FANCE: variants seen among roughly 807,000 people sequenced by gnomAD.
FANCE encodes the protein Fanconi anemia group E protein.
Under a neutral mutation model 57.8 loss-of-function variants are expected in FANCE, and 42 were observed. The ratio of observed to expected loss-of-function variants is 0.73; its 90% CI spans 0.57 to 0.94. FANCE has a LOEUF of 0.94. FANCE is among the 40% of genes least tolerant of loss of function. The probability of loss-of-function intolerance (pLI) is 0.00; values close to 1 mark genes in which losing one functional copy is unlikely to be tolerated. For missense variants in FANCE, 608 were observed against 661.8 expected (o/e 0.92, Z 0.89); for synonymous variants, 251 against 286.4 (o/e 0.88, Z 1.25).
rs1561786590 is a variant in FANCE at position 35,452,360 on chromosome 6, G to GA, written c.-184dup. 1 of 553,792 alleles carries GA rather than the reference G, an allele frequency of 1.8e-6. No individual in the cohort carries two copies. Among genetic ancestry groups the GA allele is most frequent in the East Asian group, 3.9e-5 (1 of 25,748 alleles). The allele number at this position is 553,792 out of a possible 1,614,324, so 34.3% of individuals were successfully genotyped here. ...CCTCCTTCCCTTTCCGACAGCGCGG[G>GA]AACGGCTGCGGCTTCGGGCGGCCGG... On this transcript the variant is annotated 5_prime_UTR_variant, in exon 1 of 10. Coordinates refer to ENST00000229769, the MANE Select transcript of FANCE (RefSeq NM_021922.3).
rs7746718 is a variant in FANCE, at chr6:35,460,850, G to C, written c.1383+232G>C. On this transcript the variant is annotated intron_variant, in intron 8 of 9. Coordinates refer to ENST00000229769, the MANE Select transcript of FANCE (RefSeq NM_021922.3). ...TCTTACCAGCTGGGGGGGCCTTGGGGGTGGGATTTTTGATGTGTGTGTGTG... is the reference window on the plus strand; with the variant it reads ...TCTTACCAGCTGGGGGGGCCTTGGGCGTGGGATTTTTGATGTGTGTGTGTG... Among the ~76,000 whole-genome samples the C allele has an allele frequency of 0.14, 21,891 of 152,150 alleles. 2,931 individuals carry two copies. Among genetic ancestry groups the C allele is most frequent in the African/African-American group, 0.36 (14,831 of 41,464 alleles).
In FANCE at chr6:35,460,564, G is replaced by A; in HGVS notation, c.1329G>A (p.Glu443=). Residue 443 remains glutamate, a synonymous_variant, in exon 8 of 10, where the codon GAG becomes GAA. Transcript: ENST00000229769. ...AQVLMLGQIL[E]LPWKEETFLV... is the part of the protein sequence containing the mutation. ...CTCTGCTTTGCAGACAGATCTTGGA[G>A]CTGCCCTGGAAGGAGGAAACTTTCT... is the stretch of plus-strand genomic sequence containing the variant. 1 of 1,614,142 alleles carries A rather than the reference G, an allele frequency of 6.2e-7. No homozygotes were observed. Among genetic ancestry groups the A allele is most frequent in the South Asian group, 1.1e-5 (1 of 91,088 alleles).
intron 5 of FANCE, 140 bp from the exon 6 acceptor site, chr6:35,459,191 G>T: frequency 9.9e-7 from 1 of 1,010,418 alleles, no homozygotes. Context: ...TCCAATGGGT[G>T]GGTCCATGTG....
At position 35,457,943 on chromosome 6, in the gene FANCE, C is replaced by T. The variant is rs372788363; in HGVS notation, c.928C>T (p.Pro310Ser). 2.5e-6 allele frequency: 4 copies of T among 1,614,158 alleles called. No individual in the cohort carries two copies. In the East Asian group the frequency reaches 6.7e-5, roughly 27 times the overall value. The change falls in exon 4 of 10, where the codon CCA (proline) becomes TCA (serine). Residue 310 changes from proline (P) to serine (S), a missense_variant. By Grantham distance (74) the Pro-to-Ser change is moderately conservative. Transcript: ENST00000229769. ...EGLEGLEDAP[P>S]VELQLLHECS... ...GTTAGAGGGATTGGAGGATGCCCCC[C>T]CAGTTGAGCTACAGCTTCTTCACGA... is the stretch of plus-strand genomic sequence containing the variant.
Position 35,458,325 on chromosome 6 carries a change from TC to T in FANCE, c.1001del (p.Pro334LeufsTer30), listed in dbSNP as rs753852202. 6.2e-7 allele frequency: 1 copy of T among 1,614,094 alleles called. No homozygotes were observed. The highest frequency in any genetic ancestry group is 1.1e-5 in the South Asian group (1 of 91,092). ...QMDLLCAQLQ[L>X]PQLSDLGLLR... ...GACTTGCTGTGTGCCCAGCTGCAGC[TC>T]CCTCAGCTCTCAGACCTCGGTCTCC... On this transcript the variant is annotated frameshift_variant, in exon 5 of 10. Transcript: ENST00000229769. LOFTEE classifies it high-confidence loss of function.
In FANCE at chr6:35,458,325, T is replaced by C. The variant is rs770592868; in HGVS notation, c.998T>C (p.Leu333Pro). 4 of 1,613,976 alleles carry C rather than the reference T, an allele frequency of 2.5e-6. No homozygotes were observed. Among genetic ancestry groups the C allele is most frequent in the Non-Finnish European group, 3.4e-6 (4 of 1,180,030 alleles). The change falls in exon 5 of 10, where the codon CTC (leucine) becomes CCC (proline). Residue 333 changes from leucine (L) to proline (P), a missense_variant. Transcript: ENST00000229769. Reference sequence around the variant, plus strand: ...GACTTGCTGTGTGCCCAGCTGCAGCTCCCTCAGCTCTCAGACCTCGGTCTC... The same window carrying C: ...GACTTGCTGTGTGCCCAGCTGCAGCCCCCTCAGCTCTCAGACCTCGGTCTC... ...QMDLLCAQLQ[L>P]PQLSDLGLLR...
At chr6:35,454,013 A>G (rs1384389839) in intron 1 of FANCE, among the ~76,000 whole-genome samples, 1 of 151,976 alleles carries the variant, frequency 6.6e-6, no homozygotes, top group Non-Finnish European at 1.5e-5. Context: ...TCTACCCCCA[A>G]ATATCCTCCC....
At chr6:35,459,043 A>G (rs1767478248) in intron 5 of FANCE, among the ~76,000 whole-genome samples, 2 of 152,120 alleles carry the variant, frequency 1.3e-5, no homozygotes, top group South Asian at 4.1e-4. Flanking sequence ...AGCCTCCCAA[A>G]GTGCTGGGAT....
At chr6:35,460,723 C>T in intron 8 of FANCE, 105 bp downstream of exon 8, 1 of 1,032,430 alleles carries the variant, frequency 9.7e-7, no homozygotes, top group Non-Finnish European at 1.5e-6. Flanking sequence ...GAGGGTCAAG[C>T]AGGACAGCTG....
chr6:35,464,658 C>T (rs373384573), intron 9 of FANCE, among the ~76,000 whole-genome samples: 7 of 150,598 alleles, frequency 4.6e-5, no homozygotes, highest in Admixed American at 6.6e-5. Context: ...CAGCCTCAGG[C>T]GTGGCTCTAA....
chr6:35,457,016 C>A (rs1180695102), intron 2 of FANCE, among the ~76,000 whole-genome samples: 1 of 152,186 alleles, frequency 6.6e-6, no homozygotes, highest in East Asian at 1.9e-4. Flanking sequence ...CTGGGTCTAC[C>A]CCCATTTGGG....
intron 5 of FANCE, among the ~76,000 whole-genome samples, chr6:35,458,843 C>T (rs1388754497): frequency 6.6e-6 from 1 of 151,976 alleles, no homozygotes; most frequent in Non-Finnish European, 1.5e-5. Flanking sequence ...TGCAGTGGTG[C>T]AATCTTGGCT....
In FANCE at chr6:35,466,399, C is replaced by G; in HGVS notation, c.*54C>G. ...GCTCCATCACCAGCTTCCTGAAGGG[C>G]ATTTCTTTCTTCACCACCTTGTCTT... On this transcript the variant is annotated 3_prime_UTR_variant, in exon 10 of 10. Coordinates refer to ENST00000229769, the MANE Select transcript of FANCE (RefSeq NM_021922.3). 3 of 1,156,144 alleles carry G rather than the reference C, an allele frequency of 2.6e-6. No homozygotes were observed. The South Asian group carries it at 3.7e-5, about 14-fold the overall frequency. 71.6% of individuals were successfully genotyped at this position (1,156,144 alleles called of 1,614,324 possible).
rs761873746 is a variant in FANCE, at chr6:35,456,249, A to G, written c.751A>G (p.Ile251Val). ...SLADGGSASP[I>V]KDQPVMAVKT... ...GGCAGATGGAGGAAGTGCATCTCCT[A>G]TTAAGGACCAGCCTGTCATGGCAGT... The change falls in exon 2 of 10, where the codon ATT becomes GTT. Residue 251 changes from isoleucine (I) to valine (V), a missense_variant. Coordinates refer to ENST00000229769, the MANE Select transcript of FANCE (RefSeq NM_021922.3). This position sits in a 1 kb window ranked among gnomAD's most constrained non-coding sequence, Gnocchi z 4.3. 4.3e-6 allele frequency: 7 copies of G among 1,614,078 alleles called. No individual in the cohort carries two copies. Among genetic ancestry groups the G allele is most frequent in the Non-Finnish European group, 5.9e-6 (7 of 1,180,022 alleles).
Position 35,459,744 on chromosome 6 carries a change from C to G in FANCE, c.1300C>G (p.Gln434Glu). ...GATGGAGTCCCTGGAGCCAGATGCA[C>G]AGGTTCTAATGCTGGGGTGAGTGTG... ...VKMESLEPDA[Q>E]VLMLGQILEL... is the part of the protein sequence containing the mutation. The change falls in exon 7 of 10, where the codon CAG (glutamine) becomes GAG (glutamate). Residue 434 changes from glutamine (Q) to glutamate (E), a missense_variant. Coordinates refer to ENST00000229769, the MANE Select transcript of FANCE (RefSeq NM_021922.3). The G allele has an allele frequency of 6.2e-7, 1 of 1,614,150 alleles. No homozygotes were observed. The highest frequency in any genetic ancestry group is 1.1e-5 in the South Asian group (1 of 91,082).
At position 35,458,336 on chromosome 6, in the gene FANCE, T is replaced by A; in HGVS notation, c.1009T>A (p.Ser337Thr). Residue 337 changes from serine to threonine, a missense_variant, in exon 5 of 10, where the codon TCA becomes ACA. By Grantham distance (58) the Ser-to-Thr change is moderately conservative. Transcript: ENST00000229769. ...LCAQLQLPQL[S>T]DLGLLRLCTW... is the part of the protein sequence containing the mutation. ...TGCCCAGCTGCAGCTCCCTCAGCTCTCAGACCTCGGTCTCCTGCGGCTCTG... is the reference window on the plus strand; with the variant it reads ...TGCCCAGCTGCAGCTCCCTCAGCTCACAGACCTCGGTCTCCTGCGGCTCTG... The A allele has an allele frequency of 6.2e-7, 1 of 1,614,126 alleles. No homozygotes were observed. The highest frequency in any genetic ancestry group is 8.5e-7 in the Non-Finnish European group (1 of 1,180,032).
rs537526096 is a variant in FANCE, at chr6:35,466,951, C to T, written c.*606C>T. On this transcript the variant is annotated 3_prime_UTR_variant, in exon 10 of 10. Transcript: ENST00000229769. ...CCGATAGGGCTCAGTAGGATCAAGC[C>T]GACCCAGAGTGGGCATGGGATGCTC... 1.3e-5 allele frequency: 3 copies of T among 223,170 alleles called. No homozygotes were observed. Among genetic ancestry groups the T allele is most frequent in the East Asian group, 1.3e-4 (2 of 15,080 alleles). 13.8% of individuals were successfully genotyped at this position (223,170 alleles called of 1,614,324 possible).
intron 9 of FANCE, among the ~76,000 whole-genome samples, chr6:35,465,270 T>G (rs962725669): frequency 1.3e-5 from 2 of 151,972 alleles, no homozygotes; most frequent in African/African-American, 4.8e-5. Context: ...GCCTCCTGGG[T>G]TCAAGTGATT....
chr6:35,464,619 C>T (rs1767733603), intron 9 of FANCE, among the ~76,000 whole-genome samples: 1 of 151,954 alleles, frequency 6.6e-6, no homozygotes, highest in Admixed American at 6.6e-5. Context: ...TCCCAAAGTG[C>T]TGGGATTACA....
Sources: gnomAD v4.1 joint callset for allele counts (sites outside exome capture counted in the v4.1 genomes callset) on GRCh38, gnomAD v4.1.1 for gene constraint, Gnocchi (gnomAD v3.1) non-coding constraint, MANE v1.5 for transcripts, NCBI Gene and HGNC (gene_info 2026-07-23, HGNC 2026-07-21) for gene names.